Variants in EHBP1 observed in about 807,000 individuals in gnomAD.
The protein encoded by EHBP1 is EH domain-binding protein 1.
In EHBP1, 55 loss-of-function variants were observed where a neutral mutation model predicts 144.0. That is an observed-to-expected ratio of 0.38 (90% CI 0.31 to 0.48). EHBP1 has a LOEUF of 0.48. EHBP1 is among the 20% of genes least tolerant of loss of function. EHBP1 has a pLI of 0.98. For missense variants in EHBP1, 1,200 were observed against 1,364.2 expected (o/e 0.88, Z 1.90); for synonymous variants, 469 against 472.7 (o/e 0.99, Z 0.10).
chr2:62,993,264 G>C (rs569994190), intron 16 of EHBP1, among the ~76,000 whole-genome samples: 1 of 152,256 alleles, frequency 6.6e-6, no homozygotes, highest in South Asian at 2.1e-4. Context: ...GGGGAAATAG[G>C]AGGCAACATG....
intron 19 of EHBP1, among the ~76,000 whole-genome samples, chr2:63,019,864 G>GAAGGAAGGAA (rs1272205962): frequency 3.5e-4 from 51 of 145,164 alleles, no homozygotes; most frequent in South Asian, 9.2e-4. Context: ...AGGAAGGAAG[G>GAAGGAAGGAA]AAGGAAGGAA....
intron 10 of EHBP1, among the ~76,000 whole-genome samples, chr2:62,924,573 A>C (rs1209906461): frequency 6.6e-6 from 1 of 152,220 alleles, no homozygotes; most frequent in Non-Finnish European, 1.5e-5. Flanking sequence ...GACAACTATG[A>C]ATGACTTTAT....
chr2:62,919,553 G>A (rs961268480), intron 10 of EHBP1, among the ~76,000 whole-genome samples: 3 of 152,078 alleles, frequency 2.0e-5, no homozygotes, highest in African/African-American at 7.2e-5. Context: ...TTCTAGAAGG[G>A]AATAATGACT....
chr2:62,751,789 T>G (rs1357132866), intron 3 of EHBP1, among the ~76,000 whole-genome samples: 1 of 152,228 alleles, frequency 6.6e-6, no homozygotes, highest in Non-Finnish European at 1.5e-5. Context: ...TTTATAGTAT[T>G]CTCTGATGGT....
chr2:62,880,090 T>G (rs1175156012), intron 10 of EHBP1, among the ~76,000 whole-genome samples: 1 of 151,658 alleles, frequency 6.6e-6, no homozygotes, highest in Non-Finnish European at 1.5e-5. Flanking sequence ...TTTGAGAAAG[T>G]TGACAAAAAC....
At chr2:63,030,504 T>C (rs1171297968) in intron 19 of EHBP1, among the ~76,000 whole-genome samples, 2 of 152,216 alleles carry the variant, frequency 1.3e-5, no homozygotes, top group East Asian at 3.8e-4. Context: ...TTCTTTTTTT[T>C]TGAGACGGAG....
intron 13 of EHBP1, among the ~76,000 whole-genome samples, chr2:62,952,822 C>G (rs2057460449): frequency 6.6e-6 from 1 of 152,112 alleles, no homozygotes; most frequent in Non-Finnish European, 1.5e-5. Flanking sequence ...ATAATGTGGT[C>G]AACATTACTG....
intron 5 of EHBP1, among the ~76,000 whole-genome samples, chr2:62,776,316 G>A (rs1255278118): frequency 1.3e-5 from 2 of 152,152 alleles, no homozygotes; most frequent in Non-Finnish European, 1.5e-5. Flanking sequence ...TGCAACCTTA[G>A]ATAAGTCATT....
intron 10 of EHBP1, among the ~76,000 whole-genome samples, chr2:62,922,124 G>A (rs1035049475): frequency 6.6e-6 from 1 of 152,060 alleles, no homozygotes; most frequent in Non-Finnish European, 1.5e-5. Context: ...GCAGTGAGCG[G>A]AGATCGCACC....
chr2:63,038,187 T>C (rs1442634185), intron 20 of EHBP1, among the ~76,000 whole-genome samples: 1 of 152,154 alleles, frequency 6.6e-6, no homozygotes, highest in African/African-American at 2.4e-5. Context: ...CACGTTCCTT[T>C]CTGCTCACTA....
At position 62,956,793 on chromosome 2, in the gene EHBP1, G is replaced by A. The variant is rs1400519806; in HGVS notation, c.2460+1133G>A. ...TTAAGAATTCAGATAGGACACAGTG[G>A]TAGTGGCTTGTTTATGTTCCATGAC... On this transcript the variant is annotated intron_variant, in intron 14 of 22. Transcript: ENST00000431489. 2.0e-5 allele frequency among the ~76,000 whole-genome samples: 3 copies of A among 152,254 alleles called. No individual in the cohort carries two copies. In the East Asian group the frequency reaches 5.8e-4, roughly 29 times the overall value.
chr2:62,920,196 T>A (rs2054961135), intron 10 of EHBP1, among the ~76,000 whole-genome samples: 2 of 152,210 alleles, frequency 1.3e-5, no homozygotes, highest in Non-Finnish European at 2.9e-5. Flanking sequence ...CATTCAACAC[T>A]GTTGAATGAC....
At chr2:62,764,241 G>A in intron 3 of EHBP1, 25 bp from the exon 4 acceptor site, 4 of 1,477,540 alleles carry the variant, frequency 2.7e-6, no homozygotes, top group Non-Finnish European at 3.6e-6. Flanking sequence ...ACTTCATATT[G>A]AAGGTATCAT....
intron 7 of EHBP1, among the ~76,000 whole-genome samples, chr2:62,834,958 A>G (rs1178386557): frequency 1.3e-5 from 2 of 152,128 alleles, no homozygotes; most frequent in African/African-American, 4.8e-5. Flanking sequence ...CTTTTTTTAT[A>G]GTTTATTTTT....
chr2:62,767,064 G>A (rs1012320710), intron 4 of EHBP1, among the ~76,000 whole-genome samples: 3 of 151,826 alleles, frequency 2.0e-5, no homozygotes, highest in African/African-American at 7.3e-5. Context: ...GTAAGAGGAA[G>A]GGCATCAGTA....
At chr2:62,982,484 AG>A (rs1427896537) in intron 15 of EHBP1, among the ~76,000 whole-genome samples, 1 of 152,228 alleles carries the variant, frequency 6.6e-6, no homozygotes. Flanking sequence ...CTACTTTCTA[AG>A]TAAAAATGAC....
In EHBP1 at chr2:62,800,044, C is replaced by G. The variant is rs557507820; in HGVS notation, c.313-26043C>G. On this transcript the variant is annotated intron_variant, in intron 5 of 22. Coordinates refer to ENST00000431489, the MANE Select transcript of EHBP1 (RefSeq NM_001142616.3). Reference sequence around the variant, plus strand: ...GGTGAAAACGTGCTGTCTGGAACTTCGAAAAACTCAAGTATTCAATAATTT... The same window carrying G: ...GGTGAAAACGTGCTGTCTGGAACTTGGAAAAACTCAAGTATTCAATAATTT... Among the ~76,000 whole-genome samples the G allele has an allele frequency of 2.0e-5, 3 of 152,284 alleles. No homozygotes were observed. The South Asian group carries it at 6.2e-4, about 32-fold the overall frequency.
At chr2:62,906,875 G>T (rs956479052) in intron 10 of EHBP1, among the ~76,000 whole-genome samples, 3 of 152,144 alleles carry the variant, frequency 2.0e-5, no homozygotes, top group Admixed American at 2.0e-4. Flanking sequence ...TATACTTCAA[G>T]AATGTAATAT....
chr2:62,761,809 T>C (rs1317854606), intron 3 of EHBP1, among the ~76,000 whole-genome samples: 2 of 152,154 alleles, frequency 1.3e-5, no homozygotes. Flanking sequence ...ATAAAATATT[T>C]TTCTCTTCTT....
Sources: allele counts gnomAD v4.1 joint callset (sites outside exome capture counted in the v4.1 genomes callset), GRCh38; gene constraint gnomAD v4.1.1; transcripts MANE v1.5; gene names NCBI Gene and HGNC (gene_info 2026-07-23, HGNC 2026-07-21).